PEX14: variants seen among roughly 807,000 people sequenced by gnomAD.
PEX14 encodes peroxisomal membrane protein PEX14.
A neutral mutation model predicts 49.5 loss-of-function variants in PEX14; 15 were observed. The observed-to-expected ratio is 0.30, with a 90% CI of 0.20 to 0.47. PEX14 has a LOEUF of 0.47. Ranked by LOEUF, PEX14 falls within the 20% of genes least tolerant of loss-of-function variation. The pLI is 1.00. For missense variants in PEX14, 398 were observed against 494.8 expected (o/e 0.80, Z 1.86); for synonymous variants, 210 against 212.7 (o/e 0.99, Z 0.11).
intron 5 of PEX14, among the ~76,000 whole-genome samples, chr1:10,621,189 T>TAAAAAA (rs774844943): frequency 8.8e-6 from 1 of 113,342 alleles, no homozygotes. Context: ...TTCTCGAAAT[T>TAAAAAA]AAAAAAAAAA....
At chr1:10,557,660 A>G (rs1639526623) in intron 3 of PEX14, among the ~76,000 whole-genome samples, 1 of 152,246 alleles carries the variant, frequency 6.6e-6, no homozygotes, top group South Asian at 2.1e-4. Context: ...ATTTTAATGT[A>G]CATTGCTAAC....
At chr1:10,482,927 C>T (rs1263490165) in intron 1 of PEX14, among the ~76,000 whole-genome samples, 1 of 152,040 alleles carries the variant, frequency 6.6e-6, no homozygotes, top group Non-Finnish European at 1.5e-5. Context: ...GTGAAATGTT[C>T]CACCATCTGG....
In PEX14 at chr1:10,628,786, G is replaced by A. The variant is rs986668573; in HGVS notation, c.678-745G>A. On this transcript the variant is annotated intron_variant, in intron 8 of 8. Transcript: ENST00000356607. This position sits in a 1 kb window ranked among gnomAD's most constrained non-coding sequence, Gnocchi z 4.5. The stretch of plus-strand genomic sequence containing the variant: ...GGCCCCTGCTGGGGGACAGCCCTGC[G>A]GGCAGGGCTTTGTCCTCTTGGCTCA... Among the ~76,000 whole-genome samples the A allele has an allele frequency of 6.6e-6, 1 of 152,218 alleles. No individual in the cohort carries two copies. The highest frequency in any genetic ancestry group is 1.5e-5 in the Non-Finnish European group (1 of 68,040).
At chr1:10,617,784 C>T (rs1305393766) in intron 4 of PEX14, among the ~76,000 whole-genome samples, 3 of 152,160 alleles carry the variant, frequency 2.0e-5, no homozygotes, top group African/African-American at 7.2e-5. Flanking sequence ...GTTTTCTCTC[C>T]TCTGGCTCCA....
chr1:10,585,218 G>A (rs571543214), intron 3 of PEX14, among the ~76,000 whole-genome samples: 2 of 152,252 alleles, frequency 1.3e-5, no homozygotes, highest in South Asian at 4.1e-4. Context: ...AAAGAGCAAA[G>A]TGTCTTTTCC....
At chr1:10,627,226 G>GT (rs759120284) in intron 7 of PEX14, 46 bp from the exon 8 acceptor site, 1 of 1,362,418 alleles carries the variant, frequency 7.3e-7, no homozygotes, top group Admixed American at 1.7e-5. Context: ...GGCCCCGCCC[G>GT]TGCCGCAAGG....
chr1:10,532,411 G>A (rs1312355020), intron 2 of PEX14, among the ~76,000 whole-genome samples: 1 of 152,020 alleles, frequency 6.6e-6, no homozygotes, highest in Non-Finnish European at 1.5e-5. Flanking sequence ...GGGGGGCGGG[G>A]AGAAACTGGT....
In PEX14 at chr1:10,580,983, C is replaced by G. The variant is rs902475051; in HGVS notation, c.170-18255C>G. On this transcript the variant is annotated intron_variant, in intron 3 of 8. Coordinates refer to ENST00000356607, the MANE Select transcript of PEX14 (RefSeq NM_004565.3). ...ATTAAAACATAAGCCACCTTTTTTT[C>G]TAATTTTTGCTTTTAACCACTATGT... Among the ~76,000 whole-genome samples, 52 of 151,820 alleles carry G rather than the reference C, an allele frequency of 3.4e-4. 2 individuals are homozygous for G. The highest frequency in any genetic ancestry group is 2.0e-4 in the Admixed American group (3 of 15,254).
intron 2 of PEX14, among the ~76,000 whole-genome samples, chr1:10,509,123 T>G (rs2124432411): frequency 6.6e-6 from 1 of 152,182 alleles, no homozygotes; most frequent in Admixed American, 6.5e-5. Flanking sequence ...AATTTTTTTT[T>G]GTTGTTAGTA....
chr1:10,586,806 A>AT (rs1012706772), intron 3 of PEX14, among the ~76,000 whole-genome samples: 1 of 151,030 alleles, frequency 6.6e-6, no homozygotes, highest in Non-Finnish European at 1.5e-5. Flanking sequence ...TGCCCAGCTA[A>AT]TTTTTTTTGT....
intron 4 of PEX14, among the ~76,000 whole-genome samples, chr1:10,616,249 G>A (rs780269872): frequency 1.3e-4 from 20 of 152,226 alleles, no homozygotes; most frequent in Non-Finnish European, 2.2e-4. Context: ...GTGGGGCTGC[G>A]TGCCAGCAGC....
chr1:10,595,284 C>G (rs573501042), intron 3 of PEX14, among the ~76,000 whole-genome samples: 1 of 152,176 alleles, frequency 6.6e-6, no homozygotes, highest in Non-Finnish European at 1.5e-5. Context: ...GCCTCTTTAC[C>G]TCTCAGAGTC....
chr1:10,589,318 A>G (rs1344343693), intron 3 of PEX14, among the ~76,000 whole-genome samples: 1 of 152,200 alleles, frequency 6.6e-6, no homozygotes, highest in Non-Finnish European at 1.5e-5. Context: ...GCGGGTTCAA[A>G]CATCCGGTCT....
chr1:10,557,340 CT>C (rs1639516809), intron 3 of PEX14, among the ~76,000 whole-genome samples: 1 of 152,160 alleles, frequency 6.6e-6, no homozygotes, highest in Admixed American at 6.5e-5. Flanking sequence ...AATCCCAGCA[CT>C]TTGGGAGGCC....
chr1:10,510,980 A>T (rs17511268), intron 2 of PEX14, among the ~76,000 whole-genome samples: 2 of 152,176 alleles, frequency 1.3e-5, no homozygotes, highest in Non-Finnish European at 2.9e-5. Context: ...TTTATTTGCA[A>T]TGACACTGGG....
chr1:10,535,478 G>C lies in PEX14; in HGVS notation c.85-735G>C, dbSNP rs575436396. ...TCAGAACTCAGCTCCATTGCAGAAG[G>C]GGGGCCAGAGTGAATGGCAGTGGGT... is the stretch of plus-strand genomic sequence containing the variant. On this transcript the variant is annotated intron_variant, in intron 2 of 8. Transcript: ENST00000356607. Among the ~76,000 whole-genome samples, 10 of 152,296 alleles carry C rather than the reference G, an allele frequency of 6.6e-5. No homozygotes were observed. In the East Asian group the frequency reaches 7.7e-4, roughly 12 times the overall value.
At chr1:10,568,914 A>AT (rs901140185) in intron 3 of PEX14, among the ~76,000 whole-genome samples, 2 of 151,774 alleles carry the variant, frequency 1.3e-5, no homozygotes, top group Non-Finnish European at 2.9e-5. Flanking sequence ...TAATTTTTGT[A>AT]TTTTTTGTAG....
At chr1:10,532,981 C>G (rs915946136) in intron 2 of PEX14, among the ~76,000 whole-genome samples, 22 of 152,160 alleles carry the variant, frequency 1.4e-4, no homozygotes, top group African/African-American at 5.1e-4. Flanking sequence ...AAAATCTTCT[C>G]CCATCGATGT....
chr1:10,491,254 G>A (rs1283563769), intron 1 of PEX14, among the ~76,000 whole-genome samples: 7 of 152,102 alleles, frequency 4.6e-5, no homozygotes, highest in Admixed American at 4.6e-4. Flanking sequence ...TAAAAAAAAG[G>A]CCAGGTGTGG....
Sources: allele counts gnomAD v4.1 joint callset (sites outside exome capture counted in the v4.1 genomes callset), GRCh38; gene constraint gnomAD v4.1.1; non-coding constraint Gnocchi (gnomAD v3.1); transcripts MANE v1.5; gene names NCBI Gene and HGNC (gene_info 2026-07-23, HGNC 2026-07-21).